The following LPP variants were observed in gnomAD, a reference collection of about 807,000 sequenced individuals.
LPP encodes the protein lipoma-preferred partner.
Under a neutral mutation model 60.4 loss-of-function variants are expected in LPP, and 38 were observed. The ratio of observed to expected loss-of-function variants is 0.63; its 90% CI spans 0.49 to 0.83. The LOEUF is 0.83. Among genes scored for constraint, LPP ranks in the 40% least tolerant of loss-of-function variants. The pLI is 0.00. For synonymous variants in LPP, 328 were observed against 290.8 expected, an observed-to-expected ratio of 1.13 and a Z score of -1.30; for missense variants, 902 against 783.6, an observed-to-expected ratio of 1.15 and a Z score of -1.80.
chr3:188,576,562 A>G (rs1338536337), intron 6 of LPP, among the ~76,000 whole-genome samples: 2 of 152,200 alleles, frequency 1.3e-5, no homozygotes, highest in Non-Finnish European at 2.9e-5. Context: ...TTTGCAGTCC[A>G]GTGCTCTTCA....
intron 9 of LPP, among the ~76,000 whole-genome samples, chr3:188,832,693 C>T (rs1413228163): frequency 2.0e-5 from 3 of 152,168 alleles, no homozygotes; most frequent in African/African-American, 7.2e-5. Context: ...AGGTGGTTAT[C>T]AGGGTTCTGC....
At chr3:188,838,177 A>G (rs1577893881) in intron 9 of LPP, among the ~76,000 whole-genome samples, 1 of 152,206 alleles carries the variant, frequency 6.6e-6, no homozygotes, top group Non-Finnish European at 1.5e-5. Flanking sequence ...TGGTAATAAT[A>G]TCAAACTTTC....
chr3:188,757,909 T>TTTTC (rs1372528441), intron 8 of LPP, among the ~76,000 whole-genome samples: 32 of 147,876 alleles, frequency 2.2e-4, no homozygotes, highest in African/African-American at 7.8e-4. Flanking sequence ...TTTTTTTTTT[T>TTTTC]CAGAATAATT....
At chr3:188,728,283 A>G (rs751093909) in intron 8 of LPP, among the ~76,000 whole-genome samples, 18 of 152,216 alleles carry the variant, frequency 1.2e-4, no homozygotes, top group Non-Finnish European at 1.8e-4. Flanking sequence ...TACATCACAA[A>G]CATGAAAACA....
At chr3:188,791,613 A>C (rs986960603) in intron 9 of LPP, among the ~76,000 whole-genome samples, 1 of 151,726 alleles carries the variant, frequency 6.6e-6, no homozygotes, top group Non-Finnish European at 1.5e-5. Flanking sequence ...TCTCCATTGC[A>C]CCATGATTAG....
At chr3:188,529,530 C>G (rs1821571453) in intron 6 of LPP, among the ~76,000 whole-genome samples, 3 of 152,142 alleles carry the variant, frequency 2.0e-5, no homozygotes, top group Admixed American at 2.0e-4. Flanking sequence ...CCAAGGAGCT[C>G]CATTCTCAAA....
At chr3:188,859,137 T>G (rs1007879576) in intron 9 of LPP, among the ~76,000 whole-genome samples, 1 of 150,362 alleles carries the variant, frequency 6.7e-6, no homozygotes, top group Non-Finnish European at 1.5e-5. Context: ...CTGGCAATAT[T>G]GAGTTCCCCT....
At chr3:188,262,987 T>A (rs1734211285) in intron 2 of LPP, among the ~76,000 whole-genome samples, 2 of 152,120 alleles carry the variant, frequency 1.3e-5, no homozygotes, top group African/African-American at 4.8e-5. Flanking sequence ...GAGTGCAGTT[T>A]TTTTTTTTCT....
intron 8 of LPP, among the ~76,000 whole-genome samples, chr3:188,751,710 C>T (rs1728132200): frequency 6.6e-6 from 1 of 152,178 alleles, no homozygotes; most frequent in African/African-American, 2.4e-5. Flanking sequence ...CACATAATCT[C>T]TTTATGCTGC....
At chr3:188,284,943 G>A (rs1743412967) in intron 2 of LPP, among the ~76,000 whole-genome samples, 1 of 152,200 alleles carries the variant, frequency 6.6e-6, no homozygotes, top group East Asian at 1.9e-4. Context: ...AGATGTATCG[G>A]TTCAGAGCTG....
intron 3 of LPP, among the ~76,000 whole-genome samples, chr3:188,350,426 C>T (rs1307389701): frequency 1.3e-5 from 2 of 152,188 alleles, no homozygotes; most frequent in Non-Finnish European, 2.9e-5. Context: ...AGGCAAAAAC[C>T]AGCTTGCAGT....
At chr3:188,231,923 G>A (rs535615886) in intron 2 of LPP, among the ~76,000 whole-genome samples, 1 of 152,112 alleles carries the variant, frequency 6.6e-6, no homozygotes, top group Non-Finnish European at 1.5e-5. Context: ...AATATTACAC[G>A]GCTCAGACAG....
rs1300286544 is a variant in LPP at position 188,448,427 on chromosome 3, AAGATATCTATATTT to A, written c.194-36145_194-36132del. The stretch of plus-strand genomic sequence containing the variant: ...AGATAAAGATATCTATATTTAGATA[AAGATATCTATATTT>A]AGATATCTATATTTAGATAAAGATC... On this transcript the variant is annotated intron_variant, in intron 4 of 11. Coordinates refer to ENST00000617246, the MANE Select transcript of LPP (RefSeq NM_001375462.1). 9.4e-4 allele frequency among the ~76,000 whole-genome samples: 113 copies of A among 119,864 alleles called. 1 individual carries two copies. The highest frequency in any genetic ancestry group is 3.1e-3 in the African/African-American group (103 of 33,010). 78.6% of individuals were successfully genotyped at this position (119,864 alleles called of 152,430 possible). A position where few individuals can be genotyped will look rare whatever the true frequency, so the allele number is the denominator to read the frequency against.
chr3:188,327,201 G>A (rs1758666303), intron 2 of LPP, among the ~76,000 whole-genome samples: 1 of 152,150 alleles, frequency 6.6e-6, no homozygotes, highest in South Asian at 2.1e-4. Flanking sequence ...AGTACTCCTG[G>A]ATACTTTCGC....
At chr3:188,157,808 T>C (rs1716965263) in intron 1 of LPP, among the ~76,000 whole-genome samples, 1 of 150,724 alleles carries the variant, frequency 6.6e-6, no homozygotes, top group African/African-American at 2.4e-5. Context: ...GAGGGGGGTG[T>C]CTGAGCTGAA....
At chr3:188,753,697 T>A (rs1728936865) in intron 8 of LPP, among the ~76,000 whole-genome samples, 1 of 152,128 alleles carries the variant, frequency 6.6e-6, no homozygotes, top group Non-Finnish European at 1.5e-5. Flanking sequence ...TGTGACTGTC[T>A]CCGAAACTGT....
rs139627614 is a variant in LPP, at chr3:188,848,897, C to T, written c.1411-17303C>T. Among the ~76,000 whole-genome samples the T allele has an allele frequency of 9.1e-3, 1,360 of 149,552 alleles. 16 individuals are homozygous for T. The highest frequency in any genetic ancestry group is 0.032 in the African/African-American group (1,290 of 40,724). ...AGGAGAATCGCTTGAGCCTAGGAGG[C>T]GGAGGTTGCAGTGAGCTGAGATCTC... On this transcript the variant is annotated intron_variant, in intron 9 of 11. Coordinates refer to ENST00000617246, the MANE Select transcript of LPP (RefSeq NM_001375462.1).
chr3:188,462,590 G>GCA (rs1799361175), intron 4 of LPP, among the ~76,000 whole-genome samples: 6 of 4,768 alleles, frequency 1.3e-3, no homozygotes, highest in African/African-American at 3.8e-3. Context: ...ATATATGCAT[G>GCA]TGTGTGTGTG....
At chr3:188,333,237 A>G (rs1258107184) in intron 2 of LPP, among the ~76,000 whole-genome samples, 1 of 152,212 alleles carries the variant, frequency 6.6e-6, no homozygotes, top group Non-Finnish European at 1.5e-5. Context: ...TATTAGCACA[A>G]CAATTGGCAC....
Sources: gnomAD v4.1 joint callset for allele counts (sites outside exome capture counted in the v4.1 genomes callset) on GRCh38, gnomAD v4.1.1 for gene constraint, MANE v1.5 for transcripts, NCBI Gene and HGNC (gene_info 2026-07-23, HGNC 2026-07-21) for gene names.